Variants in BCO2 observed in about 807,000 individuals in gnomAD.
BCO2 encodes beta-carotene oxygenase 2.
Under a neutral mutation model 65.8 loss-of-function variants are expected in BCO2, and 56 were observed. The observed-to-expected ratio is 0.85, with a 90% CI of 0.69 to 1.06. The LOEUF is 1.06. Among genes scored for constraint, BCO2 ranks in the 50% least tolerant of loss-of-function variants. The pLI, the probability that BCO2 is intolerant of heterozygous loss-of-function variation, is 0.00. For synonymous variants in BCO2, 233 were observed against 242.3 expected, an observed-to-expected ratio of 0.96 and a Z score of 0.36; for missense variants, 675 against 698.5, an observed-to-expected ratio of 0.97 and a Z score of 0.38.
At chr11:112,177,296 T>G (rs947915811) in intron 1 of BCO2, among the ~76,000 whole-genome samples, 8 of 152,226 alleles carry the variant, frequency 5.3e-5, no homozygotes, top group Admixed American at 5.2e-4. Context: ...TCCCAGATTT[T>G]AGTATGCTTA....
At chr11:112,183,413 G>A (rs1429810046) in intron 2 of BCO2, among the ~76,000 whole-genome samples, 1 of 152,110 alleles carries the variant, frequency 6.6e-6, no homozygotes, top group Non-Finnish European at 1.5e-5. Flanking sequence ...TAGATGTAGG[G>A]AAACTAGATA....
At chr11:112,213,900 T>C (rs191928306) in intron 9 of BCO2, 39 bp downstream of exon 9, 1 of 1,419,850 alleles carries the variant, frequency 7.0e-7, no homozygotes, top group African/African-American at 1.4e-5. Context: ...ACTTTGAACT[T>C]TAATGGTGTT....
intron 2 of BCO2, among the ~76,000 whole-genome samples, chr11:112,191,434 T>G (rs1592844917): frequency 1.3e-5 from 2 of 152,270 alleles, no homozygotes; most frequent in African/African-American, 4.8e-5. Context: ...GCAATGAATT[T>G]AGAAATATGC....
At chr11:112,176,420 G>A (rs1301692266) in intron 1 of BCO2, 8 of 138,286 alleles carry the variant, frequency 5.8e-5, no homozygotes, top group African/African-American at 2.1e-4. Flanking sequence ...TGTTTATAAA[G>A]CAAATGACAT....
rs940556372 is a variant in BCO2, at chr11:112,180,685, AG to A, written c.293+1210del. On this transcript the variant is annotated intron_variant, in intron 2 of 11. Coordinates refer to ENST00000357685, the MANE Select transcript of BCO2 (RefSeq NM_031938.7). Reference sequence around the variant, plus strand: ...AAGGGAGGCGAATCCAAGTGGGTGGAGGGGGGGAAGGGCGGGAGGAGAAAAA... The same window carrying A: ...AAGGGAGGCGAATCCAAGTGGGTGGAGGGGGGAAGGGCGGGAGGAGAAAAA... 62 of 619,838 alleles carry A rather than the reference AG, an allele frequency of 1.0e-4. 1 individual carries two copies. The highest frequency in any genetic ancestry group is 2.5e-4 in the African/African-American group (7 of 27,968). The allele number at this position is 619,838 out of a possible 1,614,324, so 38.4% of individuals were successfully genotyped here. A position where few individuals can be genotyped will look rare whatever the true frequency, so the allele number is the denominator to read the frequency against.
intron 2 of BCO2, among the ~76,000 whole-genome samples, chr11:112,184,467 A>T (rs1188077990): frequency 6.6e-6 from 1 of 151,968 alleles, no homozygotes; most frequent in Non-Finnish European, 1.5e-5. Context: ...GTTAGCCAGG[A>T]TGGTCTCGAT....
At chr11:112,176,528 G>GGA (rs71060227) in intron 1 of BCO2, 1 of 81,128 alleles carries the variant, frequency 1.2e-5, no homozygotes, top group African/African-American at 4.5e-5. Context: ...GGGGGGGGGG[G>GGA]AATTAAACAT....
chr11:112,183,675 T>C (rs1023544618), intron 2 of BCO2, among the ~76,000 whole-genome samples: 1 of 152,256 alleles, frequency 6.6e-6, no homozygotes, highest in Non-Finnish European at 1.5e-5. Context: ...TAAATTGCTT[T>C]AGTGATTCCT....
intron 11 of BCO2, 39 bp from the exon 12 acceptor site, chr11:112,217,722 A>G (rs959760224): frequency 4.6e-6 from 7 of 1,512,984 alleles, no homozygotes; most frequent in Admixed American, 3.5e-5. Context: ...ATTTTTGATG[A>G]AAAAAAGATA....
chr11:112,180,646 G>C (rs562628350), intron 2 of BCO2: 3 of 677,850 alleles, frequency 4.4e-6, no homozygotes, highest in Admixed American at 2.1e-5. Context: ...GTCCCCAAGG[G>C]CAGAAAGGTG....
intron 7 of BCO2, among the ~76,000 whole-genome samples, chr11:112,201,261 C>T (rs1867723709): frequency 6.6e-6 from 1 of 152,042 alleles, no homozygotes; most frequent in African/African-American, 2.4e-5. Flanking sequence ...GAGTCTCCTG[C>T]CTCAGCCTCC....
At chr11:112,187,079 AC>A (rs1441812877) in intron 2 of BCO2, among the ~76,000 whole-genome samples, 1 of 152,096 alleles carries the variant, frequency 6.6e-6, no homozygotes, top group Non-Finnish European at 1.5e-5. Context: ...GAAATCTTGA[AC>A]TCTGAAACTT....
chr11:112,176,522 G>A (rs536775800), intron 1 of BCO2: 6 of 137,006 alleles, frequency 4.4e-5, no homozygotes, highest in African/African-American at 1.6e-4. Context: ...ATTGGCGGGG[G>A]GGGGGGAATT....
intron 7 of BCO2, among the ~76,000 whole-genome samples, 192 bp from the exon 8 acceptor site, chr11:112,201,831 C>G (rs1240379076): frequency 6.6e-6 from 1 of 152,130 alleles, no homozygotes; most frequent in African/African-American, 2.4e-5. Context: ...CTTAAGCAAG[C>G]AATGTTTAAA....
At chr11:112,189,663 A>G (rs1458292499) in intron 2 of BCO2, among the ~76,000 whole-genome samples, 3 of 152,110 alleles carry the variant, frequency 2.0e-5, no homozygotes, top group Non-Finnish European at 4.4e-5. Context: ...CGGCCTCCCA[A>G]AGTGCTGGGA....
At chr11:112,211,276 C>T (rs1166319902) in intron 8 of BCO2, among the ~76,000 whole-genome samples, 1 of 151,402 alleles carries the variant, frequency 6.6e-6, no homozygotes, top group African/African-American at 2.4e-5. Context: ...TAGCATGTAT[C>T]AGAATTGCAT....
At chr11:112,196,228 C>A (rs78467754) in intron 5 of BCO2, among the ~76,000 whole-genome samples, 1 of 152,252 alleles carries the variant, frequency 6.6e-6, no homozygotes, top group Non-Finnish European at 1.5e-5. Context: ...TTTATCTTCT[C>A]CTAATCCCAA....
intron 1 of BCO2, chr11:112,176,519 G>GGGC (rs1555193540): frequency 1.5e-5 from 2 of 130,988 alleles, no homozygotes; most frequent in South Asian, 2.5e-4. Context: ...TTGATTGGCG[G>GGGC]GGGGGGGGGA....
At chr11:112,181,111 C>T in intron 2 of BCO2, 1 of 1,470,888 alleles carries the variant, frequency 6.8e-7, no homozygotes, top group Non-Finnish European at 9.5e-7. Context: ...AAGAACCTGA[C>T]AGTATGCTGG....
Sources: gnomAD v4.1 joint callset for allele counts (sites outside exome capture counted in the v4.1 genomes callset) on GRCh38, gnomAD v4.1.1 for gene constraint, MANE v1.5 for transcripts, NCBI Gene and HGNC (gene_info 2026-07-23, HGNC 2026-07-21) for gene names.